TCF20: variants seen among roughly 807,000 people sequenced by gnomAD.
TCF20 encodes SPRE-binding protein.
A neutral mutation model predicts 148.6 loss-of-function variants in TCF20; 3 were observed. The observed-to-expected ratio is 0.02, with a 90% CI of 0.01 to 0.05. The LOEUF (loss-of-function observed/expected upper bound fraction) is 0.05, where lower values mean the gene tolerates loss of function less well. Among genes scored for constraint, TCF20 ranks in the 10% least tolerant of loss-of-function variants. TCF20 has a pLI of 1.00. For missense variants in TCF20, 2,350 were observed against 2,429.3 expected (o/e 0.97, Z 0.69); for synonymous variants, 1,049 against 909.5 (o/e 1.15, Z -2.76).
At chr22:42,188,729 A>G (rs1312922805) in intron 2 of TCF20, among the ~76,000 whole-genome samples, 1 of 152,178 alleles carries the variant, frequency 6.6e-6, no homozygotes, top group Non-Finnish European at 1.5e-5. Context: ...AGTTGATGGT[A>G]TCGACTTCAG....
At chr22:42,257,120 A>G (rs895720474) in intron 1 of TCF20, among the ~76,000 whole-genome samples, 1 of 152,206 alleles carries the variant, frequency 6.6e-6, no homozygotes, top group East Asian at 1.9e-4. Flanking sequence ...TGACTGTATC[A>G]CCACACTCCA....
At position 42,292,299 on chromosome 22, in the gene TCF20, T is replaced by C. The variant is rs564571128; in HGVS notation, c.-37+51180A>G. Among the ~76,000 whole-genome samples the C allele has an allele frequency of 7.2e-5, 11 of 152,274 alleles. No homozygotes were observed. Among genetic ancestry groups the C allele is most frequent in the South Asian group, 6.2e-4 (3 of 4,832 alleles). On this transcript the variant is annotated intron_variant, in intron 1 of 1. Coordinates refer to the TCF20 transcript ENST00000515426. This position sits in a 1 kb window ranked among gnomAD's most constrained non-coding sequence, Gnocchi z 4.9. ...CAGGGTTGGGCCTGCGTGTTCCGTG[T>C]CCTGATCCGCTGAGGCCCCAGTGCT... is the stretch of plus-strand genomic sequence containing the variant.
At chr22:42,250,433 T>A in intron 1 of TCF20, among the ~76,000 whole-genome samples, 1 of 111,802 alleles carries the variant, frequency 8.9e-6, no homozygotes, top group African/African-American at 3.6e-5. Flanking sequence ...GCAACAACAG[T>A]GAAACTCCAT....
chr22:42,240,693 TATAACTC>T (rs1485104166), intron 1 of TCF20, among the ~76,000 whole-genome samples: 3 of 152,094 alleles, frequency 2.0e-5, no homozygotes, highest in Admixed American at 6.6e-5. Context: ...GGAGATAACT[TATAACTC>T]ATAACTCAGT....
At chr22:42,322,643 T>C (rs1927753323) in intron 1 of TCF20, among the ~76,000 whole-genome samples, 1 of 151,646 alleles carries the variant, frequency 6.6e-6, no homozygotes, top group Non-Finnish European at 1.5e-5. Context: ...AGTGACCAAA[T>C]GAGTGAGTGA....
Position 42,214,817 on chromosome 22 carries a change from C to T in TCF20, c.489G>A (p.Gly163=). The T allele has an allele frequency of 6.2e-7, 1 of 1,614,094 alleles. No homozygotes were observed. The highest frequency in any genetic ancestry group is 1.1e-5 in the South Asian group (1 of 91,084). ...QQDYTGPFSP[G]SAQYQQQASS... is the part of the protein sequence containing the mutation. ...AAGCCTGCTGTTGGTACTGAGCACT[C>T]CCTGGAGAGAAAGGCCCAGTGTAAT... The change falls in exon 2 of 6, where the codon GGG becomes GGA. Residue 163 remains glycine (G), a synonymous_variant. Transcript: ENST00000677622.
intron 1 of TCF20, among the ~76,000 whole-genome samples, chr22:42,314,179 G>C (rs1348285783): frequency 1.3e-5 from 2 of 152,228 alleles, no homozygotes; most frequent in Non-Finnish European, 2.9e-5. Context: ...AGACATCTCC[G>C]CTAACCCAAG....
intron 1 of TCF20, among the ~76,000 whole-genome samples, chr22:42,223,149 C>T (rs1335645434): frequency 1.3e-5 from 2 of 152,098 alleles, no homozygotes; most frequent in Non-Finnish European, 2.9e-5. Context: ...AGACCTGTCC[C>T]AGTAAATAAA....
chr22:42,311,823 C>T lies in TCF20; in HGVS notation c.-37+31656G>A, dbSNP rs545920666. ...CTGATTTCCCCGTCTCTTCCACAGA[C>T]CCCTGCACCAGAGCCCTGCATAGTC... On this transcript the variant is annotated intron_variant, in intron 1 of 1. Coordinates refer to the TCF20 transcript ENST00000515426. Among the ~76,000 whole-genome samples, 5 of 152,330 alleles carry T rather than the reference C, an allele frequency of 3.3e-5. No individual in the cohort carries two copies. The East Asian group carries it at 9.6e-4, about 29-fold the overall frequency.
chr22:42,331,891 G>A (rs890006325), intron 1 of TCF20, among the ~76,000 whole-genome samples: 1 of 152,342 alleles, frequency 6.6e-6, no homozygotes, highest in South Asian at 2.1e-4. Context: ...CAGAGATCAC[G>A]GAATGTAGTG....
At chr22:42,229,417 T>C (rs1384767747) in intron 1 of TCF20, among the ~76,000 whole-genome samples, 1 of 152,144 alleles carries the variant, frequency 6.6e-6, no homozygotes, top group Non-Finnish European at 1.5e-5. Context: ...ACAGCAAATA[T>C]CCAATCATTC....
upstream of TCF20, among the ~76,000 whole-genome samples, chr22:42,273,154 G>A (rs1284582365): frequency 6.6e-6 from 1 of 152,058 alleles, no homozygotes; most frequent in Non-Finnish European, 1.5e-5. Flanking sequence ...GAGGTCAGGA[G>A]TTCAAGACCA....
chr22:42,296,339 G>A (rs1169304701), intron 1 of TCF20, among the ~76,000 whole-genome samples: 1 of 152,222 alleles, frequency 6.6e-6, no homozygotes, highest in Non-Finnish European at 1.5e-5. Context: ...CTGAGGATGT[G>A]AACAGCTCCC....
chr22:42,225,033 A>G (rs1922745126), intron 1 of TCF20, among the ~76,000 whole-genome samples: 1 of 141,774 alleles, frequency 7.1e-6, no homozygotes, highest in Non-Finnish European at 1.5e-5. Flanking sequence ...AGAGTCTTAC[A>G]CTGCACTGCT....
intron 1 of TCF20, among the ~76,000 whole-genome samples, chr22:42,237,711 G>C (rs1350022476): frequency 2.0e-5 from 3 of 152,202 alleles, no homozygotes; most frequent in African/African-American, 7.2e-5. Flanking sequence ...AATAGATGTT[G>C]TGTTAGCAAG....
chr22:42,198,322 T>G (rs1157326297), intron 2 of TCF20, among the ~76,000 whole-genome samples: 1 of 151,944 alleles, frequency 6.6e-6, no homozygotes, highest in Non-Finnish European at 1.5e-5. Flanking sequence ...CCAGAAAGGG[T>G]TGGTTTGAGG....
In TCF20 at chr22:42,209,554, G is replaced by A; in HGVS notation, c.5655+97C>T. On this transcript the variant is annotated intron_variant, in intron 2 of 5. Coordinates refer to ENST00000677622, the MANE Select transcript of TCF20 (RefSeq NM_001378418.1). ...ACATGGGCATAGGCACTTTAATTTG[G>A]AGGAATAATCATGTGACATGTAAGA... is the stretch of plus-strand genomic sequence containing the variant. 4 of 1,383,158 alleles carry A rather than the reference G, an allele frequency of 2.9e-6. 1 individual carries two copies. The East Asian group carries it at 6.9e-5, about 24-fold the overall frequency. 85.7% of individuals were successfully genotyped at this position (1,383,158 alleles called of 1,614,324 possible). A position where few individuals can be genotyped will look rare whatever the true frequency, so the allele number is the denominator to read the frequency against.
chr22:42,311,175 C>T (rs1440701279), intron 1 of TCF20, among the ~76,000 whole-genome samples: 1 of 152,230 alleles, frequency 6.6e-6, no homozygotes, highest in African/African-American at 2.4e-5. Flanking sequence ...GACCTGCACG[C>T]CAGCCCTCCC....
At position 42,210,919 on chromosome 22, in the gene TCF20, C is replaced by T. The variant is rs1601593340; in HGVS notation, c.4387G>A (p.Ala1463Thr). Residue 1463 changes from alanine to threonine, a missense_variant, in exon 2 of 6, where the codon GCC (alanine) becomes ACC (threonine). Around this residue, in one of 7 missense-constraint regions of TCF20, gnomAD observed 231 missense variants for 213.7 expected, o/e 1.08. Coordinates refer to ENST00000677622, the MANE Select transcript of TCF20 (RefSeq NM_001378418.1). The surrounding 1 kb of genome is among the most constrained non-coding windows in gnomAD (Gnocchi z 4.7). ...TTCTGTGAGGTTGTGGATGTCATGG[C>T]ACCAGGGGGTTCCTTTCCGGCAGTA... ...TVTAGKEPPG[A>T]MTSTTSQKPG... The T allele has an allele frequency of 6.2e-7, 1 of 1,614,164 alleles. No homozygotes were observed.
Sources: gnomAD v4.1 joint callset for allele counts (sites outside exome capture counted in the v4.1 genomes callset) on GRCh38, gnomAD v4.1.1 for gene constraint, gnomAD v4.1.1 regional missense constraint, Gnocchi (gnomAD v3.1) non-coding constraint, MANE v1.5 for transcripts, NCBI Gene and HGNC (gene_info 2026-07-23, HGNC 2026-07-21) for gene names.